Variants in ZNF784 observed in about 807,000 individuals in gnomAD.
The protein encoded by ZNF784 is zinc finger protein 784.
A neutral mutation model predicts 3.3 loss-of-function variants in ZNF784; 5 were observed. The observed-to-expected ratio is 1.53, with a 90% CI of 0.80 to 3.22. The LOEUF is 3.22. Ranked by LOEUF, ZNF784 falls within the 30% of genes most tolerant of loss-of-function variation. The pLI, the probability that ZNF784 is intolerant of heterozygous loss-of-function variation, is 0.00. For synonymous variants in ZNF784, 231 were observed against 219.6 expected (o/e 1.05, Z -0.46); for missense variants, 501 against 480.7 (o/e 1.04, Z -0.39).
chr19:55,621,970 C>A lies in ZNF784; in HGVS notation c.753G>T (p.Pro251=). Residue 251 remains proline (P), a synonymous_variant, in exon 2 of 2, where the codon CCG becomes CCT. Coordinates refer to ENST00000325351, the MANE Select transcript of ZNF784 (RefSeq NM_203374.2). This position sits in a 1 kb window ranked among gnomAD's most constrained non-coding sequence, Gnocchi z 4.1. ...TGCGGTCGCAGAGCGTGCAGCGGAA[C>A]GGGCGCTCGCCAGTGTGGATGCGGG... The part of the protein sequence containing the change: ...GHARIHTGER[P]FRCTLCDRTF... 1 of 1,594,666 alleles carries A rather than the reference C, an allele frequency of 6.3e-7. No individual in the cohort carries two copies.
chr19:55,622,316 C>T lies in ZNF784; in HGVS notation c.407G>A (p.Arg136His), dbSNP rs1264582591. 5.9e-6 allele frequency: 9 copies of T among 1,515,180 alleles called. No individual in the cohort carries two copies. The Admixed American group carries it at 9.1e-5, about 15-fold the overall frequency. 93.9% of individuals were successfully genotyped at this position (1,515,180 alleles called of 1,614,324 possible). A position where few individuals can be genotyped will look rare whatever the true frequency, so the allele number is the denominator to read the frequency against. Residue 136 changes from arginine to histidine, a missense_variant, in exon 2 of 2, where the codon CGC (arginine) becomes CAC (histidine). By Grantham distance (29) the Arg-to-His change is conservative. Transcript: ENST00000325351. This position sits in a 1 kb window ranked among gnomAD's most constrained non-coding sequence, Gnocchi z 5.9. ...CAGGGGCGCCAAGGCCTTGAAGGCGCGGGGGCAGAGCGCGCAGCGGTAGGG... is the reference window on the plus strand; with the variant it reads ...CAGGGGCGCCAAGGCCTTGAAGGCGTGGGGGCAGAGCGCGCAGCGGTAGGG... ...ERPYRCALCPRAFKALAPLLR... is the reference protein window; with the variant it reads ...ERPYRCALCPHAFKALAPLLR...
rs775677964 is a variant in ZNF784 at position 55,621,756 on chromosome 19, G to A, written c.967C>T (p.Gln323Ter). Reference protein sequence around the residue: ...ETAKVKVEADQ With the variant: ...ETAKVKVEAD The stretch of plus-strand genomic sequence containing the variant: ...CCATGTCCCTGGTCTGCAGCCTACT[G>A]GTCGGCCTCCACCTTCACCTTCGCG... Residue 323 changes from glutamine to a stop codon, truncating the protein, a stop_gained, in exon 2 of 2, where the codon CAG becomes TAG. Coordinates refer to ENST00000325351, the MANE Select transcript of ZNF784 (RefSeq NM_203374.2). LOFTEE classifies it high-confidence loss of function. This position sits in a 1 kb window ranked among gnomAD's most constrained non-coding sequence, Gnocchi z 4.1. The A allele has an allele frequency of 3.8e-6, 6 of 1,596,778 alleles. No homozygotes were observed. The Admixed American group carries it at 1.0e-4, about 27-fold the overall frequency.
chr19:55,621,686 C>A lies in ZNF784; in HGVS notation c.*65G>T. On this transcript the variant is annotated 3_prime_UTR_variant, in exon 2 of 2. Transcript: ENST00000325351. The surrounding 1 kb of genome is among the most constrained non-coding windows in gnomAD (Gnocchi z 4.1). The stretch of plus-strand genomic sequence containing the variant: ...TGTCCCCTGCCTCCGTTTCCCCACC[C>A]CGTCCCCCTCCCCGGGTCGGCCTCG... The A allele has an allele frequency of 6.4e-7, 1 of 1,560,550 alleles. No homozygotes were observed. Among genetic ancestry groups the A allele is most frequent in the South Asian group, 1.2e-5 (1 of 86,294 alleles).
In ZNF784 at chr19:55,621,826, G is replaced by A. The variant is rs1274536627; in HGVS notation, c.897C>T (p.Ser299=). 3 of 1,129,992 alleles carry A rather than the reference G, an allele frequency of 2.7e-6. No individual in the cohort carries two copies. Among genetic ancestry groups the A allele is most frequent in the Non-Finnish European group, 3.6e-6 (3 of 826,988 alleles). 70.0% of individuals were successfully genotyped at this position (1,129,992 alleles called of 1,614,324 possible). Reference sequence around the variant, plus strand: ...CCGCAGGGTCCCCTACCCCACACCCGCTCCCCGACCCCTCAGCCGCCGACG... The same window carrying A: ...CCGCAGGGTCCCCTACCCCACACCCACTCCCCGACCCCTCAGCCGCCGACG... ...LGSSAAEGSG[S]GCGVGDPAEE... The change falls in exon 2 of 2, where the codon AGC becomes AGT. Residue 299 remains serine (S), a synonymous_variant. Coordinates refer to ENST00000325351, the MANE Select transcript of ZNF784 (RefSeq NM_203374.2). The surrounding 1 kb of genome is among the most constrained non-coding windows in gnomAD (Gnocchi z 4.1).
chr19:55,622,247 C>A lies in ZNF784; in HGVS notation c.476G>T (p.Arg159Leu). 26 of 1,536,072 alleles carry A rather than the reference C, an allele frequency of 1.7e-5. No individual in the cohort carries two copies. Among genetic ancestry groups the A allele is most frequent in the Non-Finnish European group, 2.3e-5 (26 of 1,145,534 alleles). Residue 159 changes from arginine to leucine, a missense_variant, in exon 2 of 2, where the codon CGG (arginine) becomes CTG (leucine). Physicochemically the swap from Arg to Leu is moderately radical, Grantham distance 102. Coordinates refer to ENST00000325351, the MANE Select transcript of ZNF784 (RefSeq NM_203374.2). The surrounding 1 kb of genome is among the most constrained non-coding windows in gnomAD (Gnocchi z 5.9). ...AACGGCCGCTGTGTCCGGAGGCCTC[C>A]GAGAGGTGCCCGGCTCCACCCCGTG... ...HRHGVEPGTS[R>L]RPPDTAAVAE...
chr19:55,621,682 C>G lies in ZNF784; in HGVS notation c.*69G>C, dbSNP rs1471411808. Reference sequence around the variant, plus strand: ...CTTCTGTCCCCTGCCTCCGTTTCCCCACCCCGTCCCCCTCCCCGGGTCGGC... The same window carrying G: ...CTTCTGTCCCCTGCCTCCGTTTCCCGACCCCGTCCCCCTCCCCGGGTCGGC... On this transcript the variant is annotated 3_prime_UTR_variant, in exon 2 of 2. Coordinates refer to ENST00000325351, the MANE Select transcript of ZNF784 (RefSeq NM_203374.2). The surrounding 1 kb of genome is among the most constrained non-coding windows in gnomAD (Gnocchi z 4.1). 1.5e-5 allele frequency: 24 copies of G among 1,552,938 alleles called. No homozygotes were observed. The highest frequency in any genetic ancestry group is 2.0e-5 in the Non-Finnish European group (23 of 1,152,640).
rs758678175 is a variant in ZNF784, at chr19:55,622,080, C to T, written c.643G>A (p.Glu215Lys). The change falls in exon 2 of 2, where the codon GAG (glutamate) becomes AAG (lysine). Residue 215 changes from glutamate (E) to lysine (K), a missense_variant. Coordinates refer to ENST00000325351, the MANE Select transcript of ZNF784 (RefSeq NM_203374.2). This position sits in a 1 kb window ranked among gnomAD's most constrained non-coding sequence, Gnocchi z 5.9. ...FRRSSDMRDH[E>K]RVHTGERPYH... ...GGCCGCTCGCCAGTGTGCACGCGCTCGTGGTCTCGCATGTCTGAGGAGCGG... is the reference window on the plus strand; with the variant it reads ...GGCCGCTCGCCAGTGTGCACGCGCTTGTGGTCTCGCATGTCTGAGGAGCGG... 6.3e-6 allele frequency: 10 copies of T among 1,580,620 alleles called. No homozygotes were observed. In the South Asian group the frequency reaches 1.0e-4, roughly 16 times the overall value.
chr19:55,621,211 T>G lies in ZNF784; in HGVS notation c.*540A>C. The G allele has an allele frequency of 6.0e-6, 1 of 165,756 alleles. No individual in the cohort carries two copies. Among genetic ancestry groups the G allele is most frequent in the Non-Finnish European group, 1.3e-5 (1 of 75,206 alleles). 10.3% of individuals were successfully genotyped at this position (165,756 alleles called of 1,614,324 possible). ...GCTTTGAGGTGATGGGATCCCAGAGTCTCTTCACAGATAACCTGGTGAGTG... is the reference window on the plus strand; with the variant it reads ...GCTTTGAGGTGATGGGATCCCAGAGGCTCTTCACAGATAACCTGGTGAGTG... On this transcript the variant is annotated 3_prime_UTR_variant, in exon 2 of 2. Coordinates refer to ENST00000325351, the MANE Select transcript of ZNF784 (RefSeq NM_203374.2). The surrounding 1 kb of genome is among the most constrained non-coding windows in gnomAD (Gnocchi z 4.1).
In ZNF784 at chr19:55,622,226, G is replaced by A. The variant is rs753198452; in HGVS notation, c.497C>T (p.Ala166Val). 476 of 1,535,550 alleles carry A rather than the reference G, an allele frequency of 3.1e-4. No individual in the cohort carries two copies. The highest frequency in any genetic ancestry group is 2.1e-3 in the Middle Eastern group (10 of 4,736). ...CACCCCGGGCCTCTGTTCTGCAACGGCCGCTGTGTCCGGAGGCCTCCGAGA... is the reference window on the plus strand; with the variant it reads ...CACCCCGGGCCTCTGTTCTGCAACGACCGCTGTGTCCGGAGGCCTCCGAGA... ...GTSRRPPDTA[A>V]VAEQRPGVAP... is the part of the protein sequence containing the mutation. Residue 166 changes from alanine (A) to valine (V), a missense_variant, in exon 2 of 2, where the codon GCC becomes GTC. By Grantham distance (64) the Ala-to-Val change is moderately conservative. Transcript: ENST00000325351. This position sits in a 1 kb window ranked among gnomAD's most constrained non-coding sequence, Gnocchi z 5.9.
Position 55,622,003 on chromosome 19 carries a change from G to A in ZNF784, c.720C>T (p.Ser240=), listed in dbSNP as rs771567116. ...CGCCAGTGTGGATGCGGGCGTGGCC[G>A]CTAAGCACCGAGGACTGGGTGAAGC... ...GKGFTQSSVL[S]GHARIHTGER... is the part of the protein sequence containing the mutation. The change falls in exon 2 of 2, where the codon AGC becomes AGT. Residue 240 remains serine, a synonymous_variant. Coordinates refer to ENST00000325351, the MANE Select transcript of ZNF784 (RefSeq NM_203374.2). The surrounding 1 kb of genome is among the most constrained non-coding windows in gnomAD (Gnocchi z 5.9). The A allele has an allele frequency of 2.9e-5, 46 of 1,593,686 alleles. No homozygotes were observed. Among genetic ancestry groups the A allele is most frequent in the Non-Finnish European group, 5.1e-6 (6 of 1,177,876 alleles).
intron 1 of ZNF784, among the ~76,000 whole-genome samples, chr19:55,624,213 A>C (rs1600023273): frequency 1.3e-5 from 2 of 150,440 alleles, no homozygotes; most frequent in Admixed American, 6.6e-5. Context: ...CTGGACCCAA[A>C]CCCGTCCCAC....
chr19:55,622,256 C>G lies in ZNF784; in HGVS notation c.467G>C (p.Gly156Ala), dbSNP rs1476326205. Reference protein sequence around the residue: ...RHQHRHGVEPGTSRRPPDTAA... With the variant: ...RHQHRHGVEPATSRRPPDTAA... ...TGTGTCCGGAGGCCTCCGAGAGGTG[C>G]CCGGCTCCACCCCGTGCCGGTGCTG... is the stretch of plus-strand genomic sequence containing the variant. The change falls in exon 2 of 2, where the codon GGC (glycine) becomes GCC (alanine). Residue 156 changes from glycine (G) to alanine (A), a missense_variant. Coordinates refer to ENST00000325351, the MANE Select transcript of ZNF784 (RefSeq NM_203374.2). The surrounding 1 kb of genome is among the most constrained non-coding windows in gnomAD (Gnocchi z 5.9). 3.9e-6 allele frequency: 6 copies of G among 1,535,442 alleles called. No homozygotes were observed. The Admixed American group carries it at 7.9e-5, about 20-fold the overall frequency.
Position 55,621,759 on chromosome 19 carries a change from C to G in ZNF784, c.964G>C (p.Asp322His). The G allele has an allele frequency of 6.3e-7, 1 of 1,597,412 alleles. No individual in the cohort carries two copies. The highest frequency in any genetic ancestry group is 2.2e-5 in the East Asian group (1 of 44,826). Residue 322 changes from aspartate to histidine, a missense_variant, in exon 2 of 2, where the codon GAC (aspartate) becomes CAC (histidine). Transcript: ENST00000325351. This position sits in a 1 kb window ranked among gnomAD's most constrained non-coding sequence, Gnocchi z 4.1. ...TGTCCCTGGTCTGCAGCCTACTGGT[C>G]GGCCTCCACCTTCACCTTCGCGGTC... Reference protein sequence around the residue: ...GETAKVKVEADQ With the variant: ...GETAKVKVEAHQ
In ZNF784 at chr19:55,622,776, G is replaced by T; in HGVS notation, c.79-132C>A. ...CTCACTCTGTTGCCCTGGCGCGATC[G>T]TGGCTCATTGCAACCTTGACCTCCT... On this transcript the variant is annotated intron_variant, in intron 1 of 1. Transcript: ENST00000325351. The surrounding 1 kb of genome is among the most constrained non-coding windows in gnomAD (Gnocchi z 5.9). 1.3e-6 allele frequency: 1 copy of T among 777,618 alleles called. No individual in the cohort carries two copies. The highest frequency in any genetic ancestry group is 1.9e-6 in the Non-Finnish European group (1 of 537,182). 48.2% of individuals were successfully genotyped at this position (777,618 alleles called of 1,614,324 possible).
At chr19:55,624,183 T>A (rs1981662738) in intron 1 of ZNF784, among the ~76,000 whole-genome samples, 1 of 151,714 alleles carries the variant, frequency 6.6e-6, no homozygotes, top group South Asian at 2.1e-4. Context: ...ATGCAAATTA[T>A]CCCTGGTAAG....
Position 55,621,670 on chromosome 19 carries a change from C to A in ZNF784, c.*81G>T. The A allele has an allele frequency of 6.6e-7, 1 of 1,513,606 alleles. No individual in the cohort carries two copies. The highest frequency in any genetic ancestry group is 8.9e-7 in the Non-Finnish European group (1 of 1,123,348). The allele number at this position is 1,513,606 out of a possible 1,614,324, so 93.8% of individuals were successfully genotyped here. On this transcript the variant is annotated 3_prime_UTR_variant, in exon 2 of 2. Transcript: ENST00000325351. The surrounding 1 kb of genome is among the most constrained non-coding windows in gnomAD (Gnocchi z 4.1). ...CCAATCTCCCCTCTTCTGTCCCCTG[C>A]CTCCGTTTCCCCACCCCGTCCCCCT...
chr19:55,621,704 C>G lies in ZNF784; in HGVS notation c.*47G>C, dbSNP rs764644099. On this transcript the variant is annotated 3_prime_UTR_variant, in exon 2 of 2. Transcript: ENST00000325351. This position sits in a 1 kb window ranked among gnomAD's most constrained non-coding sequence, Gnocchi z 4.1. ...CCCCACCCCGTCCCCCTCCCCGGGT[C>G]GGCCTCGTACCTCCGCCTTAACTAA... 8 of 1,578,326 alleles carry G rather than the reference C, an allele frequency of 5.1e-6. No individual in the cohort carries two copies. The highest frequency in any genetic ancestry group is 6.8e-6 in the Non-Finnish European group (8 of 1,168,538).
rs1490201750 is a variant in ZNF784, at chr19:55,622,883, A to C, written c.79-239T>G. Among the ~76,000 whole-genome samples, 1 of 152,170 alleles carries C rather than the reference A, an allele frequency of 6.6e-6. No homozygotes were observed. The highest frequency in any genetic ancestry group is 6.6e-5 in the Admixed American group (1 of 15,266). On this transcript the variant is annotated intron_variant, in intron 1 of 1. Transcript: ENST00000325351. This position sits in a 1 kb window ranked among gnomAD's most constrained non-coding sequence, Gnocchi z 5.9. ...ACCACCACATCCAGCTAGTTAAAAA[A>C]AAATTATTTCTGGCTGGGCACGGTG...
At chr19:55,623,453 T>C (rs1981638902) in intron 1 of ZNF784, among the ~76,000 whole-genome samples, 1 of 152,190 alleles carries the variant, frequency 6.6e-6, no homozygotes, top group Non-Finnish European at 1.5e-5. Context: ...GCCTCCAAAA[T>C]TGAAAAACCC....
Sources: gnomAD v4.1 joint callset for allele counts (sites outside exome capture counted in the v4.1 genomes callset) on GRCh38, gnomAD v4.1.1 for gene constraint, Gnocchi (gnomAD v3.1) non-coding constraint, MANE v1.5 for transcripts, NCBI Gene and HGNC (gene_info 2026-07-23, HGNC 2026-07-21) for gene names.